MACROD2: variants seen among roughly 807,000 people sequenced by gnomAD.
The protein encoded by MACROD2 is mono-ADP ribosylhydrolase 2.
Under a neutral mutation model 70.4 loss-of-function variants are expected in MACROD2, and 36 were observed. The ratio of observed to expected loss-of-function variants is 0.51; its 90% confidence interval spans 0.39 to 0.68. The LOEUF (loss-of-function observed/expected upper bound fraction) is 0.68, where lower values mean the gene tolerates loss of function less well. Ranked by LOEUF, MACROD2 falls within the 30% of genes least tolerant of loss-of-function variation. The pLI, the probability that MACROD2 is intolerant of heterozygous loss-of-function variation, is 0.00. For synonymous variants in MACROD2, 172 were observed against 178.8 expected (o/e 0.96, Z 0.30); for missense variants, 496 against 538.4 (o/e 0.92, Z 0.78).
intron 5 of MACROD2, among the ~76,000 whole-genome samples, chr20:14,987,353 G>A (rs2074858665): frequency 6.6e-6 from 1 of 152,132 alleles, no homozygotes; most frequent in African/African-American, 2.4e-5. Flanking sequence ...CAGGCAACTA[G>A]TAAGCATTCA....
At chr20:15,528,253 G>C (rs2047748339) in intron 8 of MACROD2, among the ~76,000 whole-genome samples, 2 of 152,146 alleles carry the variant, frequency 1.3e-5, no homozygotes, top group Non-Finnish European at 2.9e-5. Context: ...TCCTGCCTCA[G>C]CCTCCTGAGT....
intron 5 of MACROD2, among the ~76,000 whole-genome samples, chr20:14,847,485 GTTTTT>G (rs34778387): frequency 1.1e-4 from 13 of 121,430 alleles, no homozygotes; most frequent in Non-Finnish European, 1.4e-4. Context: ...AGTGTTGCCT[GTTTTT>G]TTTTTTTTTT....
chr20:14,862,546 A>AAT lies in MACROD2; in HGVS notation c.418+177597_418+177598dup, dbSNP rs1436702396. On this transcript the variant is annotated intron_variant, in intron 5 of 17. Transcript: ENST00000684519. ...ATATAAATATATATAAATATATAAAAATATATATATAAATATAAATATATA... is the reference window on the plus strand; with the variant it reads ...ATATAAATATATATAAATATATAAAAATATATATATATAAATATAAATATATA... Among the ~76,000 whole-genome samples the AAT allele has an allele frequency of 1.3e-4, 2 of 15,372 alleles. 1 individual carries two copies. Among genetic ancestry groups the AAT allele is most frequent in the Non-Finnish European group, 2.7e-4 (2 of 7,406 alleles). The allele number at this position is 15,372 out of a possible 152,430, so 10.1% of individuals were successfully genotyped here.
intron 5 of MACROD2, among the ~76,000 whole-genome samples, chr20:14,984,354 T>G (rs183831230): frequency 4.2e-4 from 64 of 152,288 alleles, no homozygotes; most frequent in South Asian, 6.2e-4. Flanking sequence ...TTTGTTTGTT[T>G]GTTGGTTGGT....
chr20:15,835,531 G>GT (rs1374826673), intron 8 of MACROD2, among the ~76,000 whole-genome samples: 2 of 151,984 alleles, frequency 1.3e-5, no homozygotes, highest in Non-Finnish European at 2.9e-5. Context: ...AATTAATGTA[G>GT]TAAATTAGTA....
At position 15,986,229 on chromosome 20, in the gene MACROD2, G is replaced by A. The variant is rs1224759886; in HGVS notation, c.986-498G>A. ...AAAACAATATAAAGCGATACGGGAG[G>A]GTCTCTCTCTTCCCTCAGAGCTGTT... On this transcript the variant is annotated intron_variant, in intron 13 of 17. Coordinates refer to ENST00000684519, the MANE Select transcript of MACROD2 (RefSeq NM_001351661.2). Among the ~76,000 whole-genome samples the A allele has an allele frequency of 3.3e-5, 5 of 152,114 alleles. No homozygotes were observed. The South Asian group carries it at 1.0e-3, about 32-fold the overall frequency.
At chr20:15,192,452 C>A (rs1256374451) in intron 5 of MACROD2, among the ~76,000 whole-genome samples, 1 of 152,136 alleles carries the variant, frequency 6.6e-6, no homozygotes, top group Non-Finnish European at 1.5e-5. Context: ...GTGATGTAGA[C>A]CTTTAACAGG....
intron 8 of MACROD2, among the ~76,000 whole-genome samples, chr20:15,700,140 A>G (rs1245434353): frequency 2.0e-5 from 3 of 152,116 alleles, no homozygotes; most frequent in Non-Finnish European, 4.4e-5. Flanking sequence ...TCTGCTTCCT[A>G]CAGAGGGTCT....
intron 4 of MACROD2, chr20:14,621,717 T>C (rs1983837772): frequency 6.6e-6 from 1 of 152,338 alleles, no homozygotes; most frequent in South Asian, 2.1e-4. Context: ...GTTTTGCATG[T>C]ACAAAAAGTT....
intron 6 of MACROD2, among the ~76,000 whole-genome samples, chr20:15,305,590 G>C (rs1181164056): frequency 6.6e-6 from 1 of 151,972 alleles, no homozygotes; most frequent in East Asian, 1.9e-4. Flanking sequence ...GGTCCACCAG[G>C]TCTGACAATT....
intron 7 of MACROD2, among the ~76,000 whole-genome samples, chr20:15,466,293 C>T (rs895045972): frequency 6.6e-6 from 1 of 152,178 alleles, no homozygotes; most frequent in South Asian, 2.1e-4. Context: ...TTAACATATA[C>T]AGATTAGGCA....
At chr20:15,025,262 G>T (rs1483513723) in intron 5 of MACROD2, among the ~76,000 whole-genome samples, 2 of 151,786 alleles carry the variant, frequency 1.3e-5, no homozygotes, top group South Asian at 4.2e-4. Context: ...GGAGAGAGAG[G>T]GGGTTGTGTG....
chr20:14,590,616 A>G (rs1981700948), intron 4 of MACROD2, among the ~76,000 whole-genome samples: 1 of 152,188 alleles, frequency 6.6e-6, no homozygotes. Flanking sequence ...TGGTCATGTT[A>G]CTATTTTTCC....
intron 3 of MACROD2, among the ~76,000 whole-genome samples, chr20:14,298,450 C>T (rs2082445878): frequency 6.6e-6 from 1 of 151,524 alleles, no homozygotes; most frequent in South Asian, 2.1e-4. Context: ...TGTCTGTAAT[C>T]CTAGCTACTC....
At chr20:14,299,634 T>C (rs2082458102) in intron 3 of MACROD2, among the ~76,000 whole-genome samples, 1 of 152,288 alleles carries the variant, frequency 6.6e-6, no homozygotes, top group Admixed American at 6.5e-5. Flanking sequence ...ACCTGCAATG[T>C]CTCTGAGGTA....
chr20:15,555,239 T>A (rs988687125), intron 8 of MACROD2, among the ~76,000 whole-genome samples: 7 of 152,118 alleles, frequency 4.6e-5, no homozygotes, highest in African/African-American at 9.7e-5. Flanking sequence ...TTCTCTGATA[T>A]CTATTTCCCA....
chr20:15,730,050 A>G (rs1159568046), intron 8 of MACROD2, among the ~76,000 whole-genome samples: 2 of 150,250 alleles, frequency 1.3e-5, no homozygotes, highest in Non-Finnish European at 3.0e-5. Flanking sequence ...CTGGTCTTGA[A>G]CTCCTGACCT....
intron 6 of MACROD2, among the ~76,000 whole-genome samples, chr20:15,370,417 A>G (rs1349254580): frequency 1.3e-5 from 2 of 152,106 alleles, no homozygotes; most frequent in African/African-American, 4.8e-5. Flanking sequence ...ATAAGAACCA[A>G]TATTTCTATG....
At chr20:14,101,913 T>C (rs533286984) in intron 3 of MACROD2, among the ~76,000 whole-genome samples, 19 of 151,980 alleles carry the variant, frequency 1.3e-4, no homozygotes, top group African/African-American at 4.6e-4. Context: ...TTTTTTCTTC[T>C]TGTTGACTGA....
Sources: allele counts gnomAD v4.1 joint callset (sites outside exome capture counted in the v4.1 genomes callset), GRCh38; gene constraint gnomAD v4.1.1; transcripts MANE v1.5; gene names NCBI Gene and HGNC (gene_info 2026-07-23, HGNC 2026-07-21).